Variants in ISY1 observed in about 807,000 individuals in gnomAD.
ISY1 encodes pre-mRNA-splicing factor ISY1 homolog.
A neutral mutation model predicts 54.4 loss-of-function variants in ISY1; 12 were observed. The observed-to-expected ratio is 0.22, with a 90% CI of 0.14 to 0.36. The LOEUF (loss-of-function observed/expected upper bound fraction) is 0.36, where lower values mean the gene tolerates loss of function less well. Among genes scored for constraint, ISY1 ranks in the 10% least tolerant of loss-of-function variants. ISY1 has a pLI of 1.00. For missense variants in ISY1, 282 were observed against 342.2 expected, an observed-to-expected ratio of 0.82 and a Z score of 1.39; for synonymous variants, 96 against 117.9, an observed-to-expected ratio of 0.81 and a Z score of 1.20.
chr3:129,132,748 G>A (rs1194421947), intron 9 of ISY1, among the ~76,000 whole-genome samples: 3 of 152,220 alleles, frequency 2.0e-5, no homozygotes, highest in Non-Finnish European at 4.4e-5. Context: ...GCTCACAGGA[G>A]CCATGAATTA....
chr3:129,160,896 G>T, intron 1 of ISY1, 77 bp downstream of exon 1: 1 of 1,521,652 alleles, frequency 6.6e-7, no homozygotes, highest in South Asian at 1.2e-5. Context: ...TCTACCGAAT[G>T]AGCGCCCCAG....
chr3:129,160,918 G>GGCCCCCCCCCCCC, intron 1 of ISY1, 55 bp downstream of exon 1: 1 of 666,128 alleles, frequency 1.5e-6, no homozygotes, highest in South Asian at 1.6e-5. Flanking sequence ...TGGACTGGGC[G>GGCCCCCCCCCCCC]CCCCCCCGCC....
At chr3:129,130,270 T>G (rs1936199958) in intron 10 of ISY1, 82 bp from the exon 11 acceptor site, 2 of 1,495,634 alleles carry the variant, frequency 1.3e-6, no homozygotes, top group African/African-American at 1.4e-5. Flanking sequence ...GAAGTCCCCG[T>G]GGGAGAAGTC....
chr3:129,158,359 A>T, intron 3 of ISY1, 149 bp downstream of exon 3: 1 of 1,046,506 alleles, frequency 9.6e-7, no homozygotes, highest in East Asian at 2.6e-5. Flanking sequence ...GGATTTTGCC[A>T]TGTTGCCCAG....
intron 7 of ISY1, among the ~76,000 whole-genome samples, chr3:129,138,432 G>A (rs1360789158): frequency 1.3e-5 from 2 of 151,524 alleles, no homozygotes; most frequent in Non-Finnish European, 2.9e-5. Flanking sequence ...TCAGGAGATC[G>A]AGACCATCCT....
intron 6 of ISY1, 44 bp downstream of exon 6, chr3:129,145,716 TG>T: frequency 1.3e-6 from 2 of 1,590,452 alleles, no homozygotes. Context: ...CTGCTGTGGG[TG>T]GAAAACTAGA....
intron 6 of ISY1, among the ~76,000 whole-genome samples, chr3:129,143,580 G>A (rs1433152119): frequency 1.3e-5 from 2 of 150,782 alleles, no homozygotes; most frequent in Non-Finnish European, 2.9e-5. Context: ...TTATTGACAC[G>A]AAACTGTATT....
At chr3:129,141,205 A>ATAAATAAG (rs1936599133) in intron 6 of ISY1, among the ~76,000 whole-genome samples, 1 of 148,714 alleles carries the variant, frequency 6.7e-6, no homozygotes, top group African/African-American at 2.5e-5. Context: ...AAATAAATAA[A>ATAAATAAG]TAAATAAATA....
At chr3:129,155,669 T>C (rs1937113262) in intron 5 of ISY1, among the ~76,000 whole-genome samples, 1 of 152,188 alleles carries the variant, frequency 6.6e-6, no homozygotes, top group African/African-American at 2.4e-5. Flanking sequence ...TATTTAGGAA[T>C]TTTTCAGATA....
chr3:129,159,080 G>C, intron 2 of ISY1, 74 bp downstream of exon 2: 1 of 1,557,698 alleles, frequency 6.4e-7, no homozygotes, highest in Admixed American at 2.0e-5. Flanking sequence ...ACCAAAAAGA[G>C]GAAATACACA....
rs908603526 is a variant in ISY1 at position 129,129,877 on chromosome 3, C to G, written c.*204G>C. 6 of 436,374 alleles carry G rather than the reference C, an allele frequency of 1.4e-5. No individual in the cohort carries two copies. Among genetic ancestry groups the G allele is most frequent in the Admixed American group, 8.0e-5 (2 of 25,122 alleles). 27.0% of individuals were successfully genotyped at this position (436,374 alleles called of 1,614,324 possible). On this transcript the variant is annotated 3_prime_UTR_variant, in exon 11 of 11. Coordinates refer to ENST00000393295, the MANE Select transcript of ISY1 (RefSeq NM_020701.4). ...CACTCCACAATAAAAATAAATGGAT[C>G]CACACAGTAGCAAAATATGTGTACA...
At chr3:129,151,861 A>G (rs1289173269) in intron 5 of ISY1, among the ~76,000 whole-genome samples, 1 of 151,750 alleles carries the variant, frequency 6.6e-6, no homozygotes, top group East Asian at 2.0e-4. Context: ...TGGGTTTCTT[A>G]TAAGTACTTT....
At chr3:129,155,885 C>A (rs1351608134) in intron 5 of ISY1, among the ~76,000 whole-genome samples, 2 of 151,996 alleles carry the variant, frequency 1.3e-5, no homozygotes, top group South Asian at 2.1e-4. Flanking sequence ...CCACGTCCAG[C>A]CAATTTTGTA....
rs769838940 is a variant in ISY1, at chr3:129,130,150, G to A, written c.789C>T (p.Leu263=). Residue 263 remains leucine, a synonymous_variant, in exon 11 of 11, where the codon CTC becomes CTT. Coordinates refer to ENST00000393295, the MANE Select transcript of ISY1 (RefSeq NM_020701.4). ...GGGTCTCGCTTGCATACTTCTGGAG[G>A]AGTTCCATTTTCTTCCTTCGCACCA... ...EALVRRKKME[L]LQKYASETLQ... The A allele has an allele frequency of 1.6e-5, 25 of 1,612,318 alleles. No homozygotes were observed. Among genetic ancestry groups the A allele is most frequent in the South Asian group, 3.3e-5 (3 of 90,914 alleles).
rs576379199 is a variant in ISY1, at chr3:129,130,655, A to C, written c.664-19T>G. On this transcript the variant is annotated intron_variant, in intron 9 of 10. Transcript: ENST00000393295. The stretch of plus-strand genomic sequence containing the variant: ...CGTCCGACTACAAACAGAACAAACG[A>C]AAGTCCATCAGTAGGCGCCCAGCTA... 4.3e-6 allele frequency: 7 copies of C among 1,613,638 alleles called. No homozygotes were observed. Among genetic ancestry groups the C allele is most frequent in the East Asian group, 2.2e-5 (1 of 44,886 alleles).
chr3:129,158,952 G>A (rs1937223107), intron 2 of ISY1, among the ~76,000 whole-genome samples: 1 of 152,066 alleles, frequency 6.6e-6, no homozygotes, highest in Non-Finnish European at 1.5e-5. Context: ...TTTAAGTTCT[G>A]GAAACTGTGA....
intron 7 of ISY1, 145 bp from the exon 8 acceptor site, chr3:129,135,099 A>G: frequency 4.2e-6 from 5 of 1,186,960 alleles, no homozygotes; most frequent in Non-Finnish European, 5.5e-6. Context: ...TTGTAATCCT[A>G]GCGCTTTGGG....
At chr3:129,131,928 C>T (rs1386404188) in intron 9 of ISY1, among the ~76,000 whole-genome samples, 2 of 152,152 alleles carry the variant, frequency 1.3e-5, no homozygotes, top group Non-Finnish European at 2.9e-5. Flanking sequence ...CCCCTGAGCT[C>T]AAGCAATTCT....
At chr3:129,159,074 A>G in intron 2 of ISY1, 80 bp downstream of exon 2, 1 of 1,552,186 alleles carries the variant, frequency 6.4e-7, no homozygotes. Flanking sequence ...TCAGATACCA[A>G]AAAGAGGAAA....
Sources: gnomAD v4.1 joint callset for allele counts (sites outside exome capture counted in the v4.1 genomes callset) on GRCh38, gnomAD v4.1.1 for gene constraint, MANE v1.5 for transcripts, NCBI Gene and HGNC (gene_info 2026-07-23, HGNC 2026-07-21) for gene names.